The following STK24 variants were observed in gnomAD, a reference collection of about 807,000 sequenced individuals.
STK24 encodes the protein serine/threonine kinase 24.
Under a neutral mutation model 55.6 loss-of-function variants are expected in STK24, and 21 were observed. The ratio of observed to expected loss-of-function variants is 0.38; its 90% CI spans 0.27 to 0.54. The LOEUF (loss-of-function observed/expected upper bound fraction) is 0.54. Ranked by LOEUF, STK24 falls within the 20% of genes least tolerant of loss-of-function variation. The probability of loss-of-function intolerance (pLI) is 0.79; values close to 1 mark genes in which losing one functional copy is unlikely to be tolerated. For missense variants in STK24, 383 were observed against 538.4 expected (o/e 0.71, Z 2.86); for synonymous variants, 200 against 215.2 (o/e 0.93, Z 0.62).
chr13:98,535,645 C>A (rs1205349843), intron 1 of STK24, among the ~76,000 whole-genome samples: 1 of 152,228 alleles, frequency 6.6e-6, no homozygotes, highest in African/African-American at 2.4e-5. Flanking sequence ...CTAGACCTCA[C>A]AACCACCCCA....
intron 2 of STK24, among the ~76,000 whole-genome samples, chr13:98,497,914 G>A (rs1895307680): frequency 6.6e-6 from 1 of 152,148 alleles, no homozygotes; most frequent in African/African-American, 2.4e-5. Flanking sequence ...GACCAAGTGG[G>A]ACTGGCTGCA....
In STK24 at chr13:98,465,300, C is replaced by T. The variant is rs574044865; in HGVS notation, c.783+1076G>A. ...CTCCCTGTCCATCCAAGGGTGAAAC[C>T]CCAACTACCCCGGAGGTGCTCATAT... On this transcript the variant is annotated intron_variant, in intron 6 of 10. Coordinates refer to ENST00000539966, the MANE Select transcript of STK24 (RefSeq NM_001032296.4). 1.3e-5 allele frequency among the ~76,000 whole-genome samples: 2 copies of T among 152,358 alleles called. 1 individual carries two copies. The highest frequency in any genetic ancestry group is 4.1e-4 in the South Asian group (2 of 4,830).
rs571211458 is a variant in STK24 at position 98,462,552 on chromosome 13, T to G, written c.930-655A>C. Among the ~76,000 whole-genome samples, 22 of 151,534 alleles carry G rather than the reference T, an allele frequency of 1.5e-4. 1 individual carries two copies. The highest frequency in any genetic ancestry group is 2.7e-4 in the Non-Finnish European group (18 of 67,884). On this transcript the variant is annotated intron_variant, in intron 7 of 10. Coordinates refer to ENST00000539966, the MANE Select transcript of STK24 (RefSeq NM_001032296.4). ...TCCTCCCGCCCCTCGGCCATACCTC[T>G]CCCCTCTCACTCACAGGCGGAGCCT...
chr13:98,486,315 G>C (rs1433639218), intron 2 of STK24, among the ~76,000 whole-genome samples: 1 of 152,142 alleles, frequency 6.6e-6, no homozygotes, highest in Non-Finnish European at 1.5e-5. Flanking sequence ...CACTGCACTG[G>C]GAAGGTAGGA....
intron 1 of STK24, among the ~76,000 whole-genome samples, chr13:98,528,511 G>A (rs1566387886): frequency 1.3e-5 from 2 of 152,136 alleles, no homozygotes; most frequent in Non-Finnish European, 2.9e-5. Flanking sequence ...AGACAATTCC[G>A]AAGCTCTGCC....
At position 98,467,021 on chromosome 13, in the gene STK24, T is replaced by C. The variant is rs187656638; in HGVS notation, c.598-460A>G. Among the ~76,000 whole-genome samples, 7 of 152,266 alleles carry C rather than the reference T, an allele frequency of 4.6e-5. No homozygotes were observed. The East Asian group carries it at 1.4e-3, about 29-fold the overall frequency. ...TGCCAGTTCTACAGTCAAAGTCCTG[T>C]GACGTTAGATGAAAGAGCTAACCTC... is the stretch of plus-strand genomic sequence containing the variant. On this transcript the variant is annotated intron_variant, in intron 5 of 10. Coordinates refer to ENST00000539966, the MANE Select transcript of STK24 (RefSeq NM_001032296.4).
Position 98,469,915 on chromosome 13 carries a change from AC to A in STK24, c.598-3355del, listed in dbSNP as rs1894078287. Among the ~76,000 whole-genome samples, 4 of 152,344 alleles carry A rather than the reference AC, an allele frequency of 2.6e-5. No individual in the cohort carries two copies. In the South Asian group the frequency reaches 8.3e-4, roughly 32 times the overall value. ...ATATCCAAACTTGTTAAAACCAATT[AC>A]TTCGATTCCTAGGCATCTCTACTAC... On this transcript the variant is annotated intron_variant, in intron 5 of 10. Transcript: ENST00000539966.
chr13:98,483,939 G>C (rs187924789), intron 2 of STK24, among the ~76,000 whole-genome samples: 26 of 152,366 alleles, frequency 1.7e-4, no homozygotes, highest in Admixed American at 1.0e-3. Flanking sequence ...TATGTTGAAT[G>C]CTTTTCAAGC....
intron 5 of STK24, among the ~76,000 whole-genome samples, chr13:98,467,875 A>G (rs1893980850): frequency 6.6e-6 from 1 of 152,196 alleles, no homozygotes; most frequent in Non-Finnish European, 1.5e-5. Context: ...GAGGCCGACA[A>G]TGAGGCAGGA....
At chr13:98,560,457 C>T (rs1897389084) in intron 1 of STK24, among the ~76,000 whole-genome samples, 2 of 152,200 alleles carry the variant, frequency 1.3e-5, no homozygotes, top group Non-Finnish European at 2.9e-5. Context: ...ACTTATCCTG[C>T]AAATCTCCTT....
At position 98,538,222 on chromosome 13, in the gene STK24, C is replaced by CTTTTTTTT. The variant is rs55720452; in HGVS notation, c.43-18757_43-18750dup. ...AGGTCAATCACTGCTTTGGTGCTTG[C>CTTTTTTTT]TTTTTTTTTTTTTTTTTTTTTGAGA... On this transcript the variant is annotated intron_variant, in intron 1 of 10. Transcript: ENST00000539966. 3.6e-4 allele frequency among the ~76,000 whole-genome samples: 33 copies of CTTTTTTTT among 91,632 alleles called. 1 individual carries two copies. Among genetic ancestry groups the CTTTTTTTT allele is most frequent in the Non-Finnish European group, 4.7e-4 (23 of 48,860 alleles). 60.1% of individuals were successfully genotyped at this position (91,632 alleles called of 152,430 possible). A position where few individuals can be genotyped will look rare whatever the true frequency, so the allele number is the denominator to read the frequency against.
At chr13:98,458,778 C>G (rs1191493818) in intron 9 of STK24, among the ~76,000 whole-genome samples, 1 of 152,182 alleles carries the variant, frequency 6.6e-6, no homozygotes, top group Non-Finnish European at 1.5e-5. Context: ...AGGGAGCAAC[C>G]TGACCTGTGC....
At chr13:98,522,744 G>A (rs1044675132) in intron 1 of STK24, among the ~76,000 whole-genome samples, 1 of 152,172 alleles carries the variant, frequency 6.6e-6, no homozygotes, top group Admixed American at 6.5e-5. Context: ...CTACACCCCT[G>A]TGCCCAGGTA....
intron 2 of STK24, among the ~76,000 whole-genome samples, chr13:98,485,651 G>A (rs926242863): frequency 5.3e-5 from 8 of 152,244 alleles, no homozygotes; most frequent in African/African-American, 1.9e-4. Flanking sequence ...TGTTTAAACT[G>A]TAAGTTTCTC....
rs1893000722 is a variant in STK24 at position 98,448,450 on chromosome 13, T to G, written c.*4723A>C. ...ATGGCTTCCCAGCAGCTCTCCTGTC[T>G]CCACAGCCGCGTTTTTTAACCCCGA... On this transcript the variant is annotated 3_prime_UTR_variant, in exon 11 of 11. Coordinates refer to ENST00000539966, the MANE Select transcript of STK24 (RefSeq NM_001032296.4). 2 of 728,590 alleles carry G rather than the reference T, an allele frequency of 2.7e-6. No individual in the cohort carries two copies. Among genetic ancestry groups the G allele is most frequent in the Non-Finnish European group, 4.7e-6 (2 of 423,654 alleles). 45.1% of individuals were successfully genotyped at this position (728,590 alleles called of 1,614,324 possible). A position where few individuals can be genotyped will look rare whatever the true frequency, so the allele number is the denominator to read the frequency against.
At chr13:98,499,639 C>A (rs182534108) in intron 2 of STK24, among the ~76,000 whole-genome samples, 2 of 152,204 alleles carry the variant, frequency 1.3e-5, no homozygotes, top group African/African-American at 4.8e-5. Flanking sequence ...AGACTGGAAA[C>A]CCAGGCTTGG....
chr13:98,505,813 G>GA (rs1318973691), intron 2 of STK24, among the ~76,000 whole-genome samples: 3 of 152,100 alleles, frequency 2.0e-5, no homozygotes, highest in East Asian at 1.9e-4. Flanking sequence ...TCATTTCCTT[G>GA]AAAAAATCTG....
At chr13:98,562,732 G>A (rs934959252) in intron 1 of STK24, among the ~76,000 whole-genome samples, 5 of 151,902 alleles carry the variant, frequency 3.3e-5, no homozygotes, top group Non-Finnish European at 5.9e-5. Context: ...TGGCTAGCGC[G>A]GTGAAACCCC....
chr13:98,576,710 C>T (rs909733949), intron 1 of STK24, 35 bp downstream of exon 1: 2 of 1,453,836 alleles, frequency 1.4e-6, no homozygotes, highest in African/African-American at 1.5e-5. Context: ...CCGCCCCGGT[C>T]GCGCATCCCG....
Sources: allele counts gnomAD v4.1 joint callset (sites outside exome capture counted in the v4.1 genomes callset), GRCh38; gene constraint gnomAD v4.1.1; transcripts MANE v1.5; gene names NCBI Gene and HGNC (gene_info 2026-07-23, HGNC 2026-07-21).